Variants in SFTPA1 observed in about 807,000 individuals in gnomAD.
SFTPA1 encodes pulmonary surfactant-associated protein A1.
Under a neutral mutation model 19.1 loss-of-function variants are expected in SFTPA1, and 13 were observed. The observed-to-expected ratio is 0.68, with a 90% confidence interval of 0.44 to 1.08. The LOEUF (loss-of-function observed/expected upper bound fraction) is 1.08, where lower values mean the gene tolerates loss of function less well. Ranked by LOEUF, SFTPA1 falls within the 50% of genes least tolerant of loss-of-function variation. SFTPA1 has a pLI of 0.00. For missense variants in SFTPA1, 259 were observed against 316.4 expected, an observed-to-expected ratio of 0.82 and a Z score of 1.38; for synonymous variants, 101 against 117.0, an observed-to-expected ratio of 0.86 and a Z score of 0.88.
rs1014711429 is a variant in SFTPA1, at chr10:79,614,949, A to T, written c.*836A>T. 4 of 1,283,756 alleles carry T rather than the reference A, an allele frequency of 3.1e-6. No individual in the cohort carries two copies. The African/African-American group carries it at 6.1e-5, about 20-fold the overall frequency. The allele number at this position is 1,283,756 out of a possible 1,614,324, so 79.5% of individuals were successfully genotyped here. On this transcript the variant is annotated 3_prime_UTR_variant, in exon 6 of 6. Coordinates refer to ENST00000398636, the MANE Select transcript of SFTPA1 (RefSeq NM_005411.5). The stretch of plus-strand genomic sequence containing the variant: ...TCCTTTCATTAATCCATTCACCCAG[A>T]TATTTCATTAAAATTATCACGTGCC...
At position 79,613,503 on chromosome 10, in the gene SFTPA1, A is replaced by G. The variant is rs144911304; in HGVS notation, c.371-234A>G. 4.4e-3 allele frequency among the ~76,000 whole-genome samples: 663 copies of G among 152,320 alleles called. 7 individuals are homozygous for G. The highest frequency in any genetic ancestry group is 0.015 in the African/African-American group (624 of 41,562). On this transcript the variant is annotated intron_variant, in intron 5 of 5. Transcript: ENST00000398636. Reference sequence around the variant, plus strand: ...CTCCACCTGCCTTGCTTTCCACTGAATTCCAGGAAATTGCACCATTTCTGG... The same window carrying G: ...CTCCACCTGCCTTGCTTTCCACTGAGTTCCAGGAAATTGCACCATTTCTGG...
At position 79,615,036 on chromosome 10, in the gene SFTPA1, C is replaced by T; in HGVS notation, c.*923C>T. The T allele has an allele frequency of 1.5e-6, 2 of 1,304,600 alleles. No individual in the cohort carries two copies. Among genetic ancestry groups the T allele is most frequent in the Non-Finnish European group, 2.0e-6 (2 of 988,710 alleles). 80.8% of individuals were successfully genotyped at this position (1,304,600 alleles called of 1,614,324 possible). Reference sequence around the variant, plus strand: ...CAGTGACAGTTGAAGATTTTTTTTTCCCAGAGCTTATGTCTTCATCTGTGA... The same window carrying T: ...CAGTGACAGTTGAAGATTTTTTTTTTCCAGAGCTTATGTCTTCATCTGTGA... On this transcript the variant is annotated 3_prime_UTR_variant, in exon 6 of 6. Transcript: ENST00000398636.
At position 79,614,976 on chromosome 10, in the gene SFTPA1, G is replaced by T. The variant is rs1016735490; in HGVS notation, c.*863G>T. On this transcript the variant is annotated 3_prime_UTR_variant, in exon 6 of 6. Transcript: ENST00000398636. ...ATTTCATTAAAATTATCACGTGCCA[G>T]GTCTTAGGATATGTCGTGGGGTGGG... 4 of 1,302,734 alleles carry T rather than the reference G, an allele frequency of 3.1e-6. No homozygotes were observed. In the African/African-American group the frequency reaches 6.1e-5, roughly 20 times the overall value. 80.7% of individuals were successfully genotyped at this position (1,302,734 alleles called of 1,614,324 possible).
In SFTPA1 at chr10:79,612,257, C is replaced by G. The variant is rs943199249; in HGVS notation, c.173-55C>G. 37 of 1,613,534 alleles carry G rather than the reference C, an allele frequency of 2.3e-5. No homozygotes were observed. In the East Asian group the frequency reaches 5.3e-4, roughly 23 times the overall value. On this transcript the variant is annotated intron_variant, in intron 3 of 5. Transcript: ENST00000398636. ...GATAATGGGCATCGAGTCTCACTAG[C>G]TCCAACCAGTTGTGGGTGACAGATC...
intron 4 of SFTPA1, among the ~76,000 whole-genome samples, chr10:79,612,948 G>T (rs1859947971): frequency 6.6e-6 from 1 of 151,988 alleles, no homozygotes; most frequent in African/African-American, 2.4e-5. Flanking sequence ...GAGGGACAGA[G>T]CAGGAAAGAG....
In SFTPA1 at chr10:79,612,389, G is replaced by T. The variant is rs186353284; in HGVS notation, c.250G>T (p.Glu84Ter). 1.9e-5 allele frequency: 30 copies of T among 1,613,916 alleles called. No homozygotes were observed. In the African/African-American group the frequency reaches 3.9e-4, roughly 21 times the overall value. Residue 84 changes from glutamate to a stop codon, truncating the protein, a stop_gained, in exon 4 of 6, where the codon GAG becomes TAG. Coordinates refer to ENST00000398636, the MANE Select transcript of SFTPA1 (RefSeq NM_005411.5). LOFTEE classifies it high-confidence loss of function. ...GLPGAPGIPG[E>*]CGEKGEPGER... ...GCCTGGAGCCCCTGGTATCCCTGGAGAGTGTGGAGAGAAGGGGGAGCCTGG... is the reference window on the plus strand; with the variant it reads ...GCCTGGAGCCCCTGGTATCCCTGGATAGTGTGGAGAGAAGGGGGAGCCTGG...
rs776001289 is a variant in SFTPA1 at position 79,612,450 on chromosome 10, G to A, written c.292+19G>A. 2.5e-6 allele frequency: 4 copies of A among 1,611,316 alleles called. No individual in the cohort carries two copies. The highest frequency in any genetic ancestry group is 1.1e-5 in the South Asian group (1 of 90,852). ...CCTCCAGGTGAGCAGGGTGGGGCAG[G>A]TGGGCAGTGGAAACATGGGCACAGC... On this transcript the variant is annotated intron_variant, in intron 4 of 5. Coordinates refer to ENST00000398636, the MANE Select transcript of SFTPA1 (RefSeq NM_005411.5).
In SFTPA1 at chr10:79,612,440, G is replaced by A. The variant is rs771026787; in HGVS notation, c.292+9G>A. 2.5e-6 allele frequency: 4 copies of A among 1,612,608 alleles called. No individual in the cohort carries two copies. Among genetic ancestry groups the A allele is most frequent in the East Asian group, 2.2e-5 (1 of 44,746 alleles). ...CGAGAGGGGCCCTCCAGGTGAGCAG[G>A]GTGGGGCAGGTGGGCAGTGGAAACA... On this transcript the variant is annotated intron_variant, in intron 4 of 5. Transcript: ENST00000398636.
At chr10:79,612,029 G>A (rs896801277) in intron 3 of SFTPA1, 32 bp downstream of exon 3, 4 of 1,611,096 alleles carry the variant, frequency 2.5e-6, no homozygotes, top group Non-Finnish European at 3.4e-6. Flanking sequence ...CCTCAGCTGA[G>A]GGACACAGAC....
chr10:79,613,597 C>A, intron 5 of SFTPA1, 140 bp from the exon 6 acceptor site: 4 of 1,176,542 alleles, frequency 3.4e-6, no homozygotes, highest in Non-Finnish European at 4.8e-6. Flanking sequence ...TAGAAAACTG[C>A]AATTGGAAGA....
rs4253602 is a variant in SFTPA1 at position 79,614,732 on chromosome 10, G to C, written c.*619G>C. 871 of 332,918 alleles carry C rather than the reference G, an allele frequency of 2.6e-3. 9 individuals are homozygous for C. The Middle Eastern group carries it at 0.029, about 11-fold the overall frequency. 20.6% of individuals were successfully genotyped at this position (332,918 alleles called of 1,614,324 possible). A position where few individuals can be genotyped will look rare whatever the true frequency, so the allele number is the denominator to read the frequency against. On this transcript the variant is annotated 3_prime_UTR_variant, in exon 6 of 6. Coordinates refer to ENST00000398636, the MANE Select transcript of SFTPA1 (RefSeq NM_005411.5). ...AGCCAACCCCATGATTGATGTGTAC[G>C]ATTCACTCCTTTGAGTCTTTGAATG...
rs754933963 is a variant in SFTPA1 at position 79,613,232 on chromosome 10, C to A, written c.336C>A (p.His112Gln). The A allele has an allele frequency of 4.3e-6, 7 of 1,614,050 alleles. No homozygotes were observed. Among genetic ancestry groups the A allele is most frequent in the Non-Finnish European group, 5.9e-6 (7 of 1,179,998 alleles). The change falls in exon 5 of 6, where the codon CAC (histidine) becomes CAA (glutamine). Residue 112 changes from histidine to glutamine, a missense_variant. Transcript: ENST00000398636. Reference sequence around the variant, plus strand: ...ATGAGGAGCTCCAAGCCACACTCCACGACTTTAGACATCAAATCCTGCAGA... The same window carrying A: ...ATGAGGAGCTCCAAGCCACACTCCAAGACTTTAGACATCAAATCCTGCAGA... ...HLDEELQATL[H>Q]DFRHQILQTR...
chr10:79,611,469 G>A, intron 2 of SFTPA1, 80 bp downstream of exon 2: 1 of 1,080,914 alleles, frequency 9.3e-7, no homozygotes. Context: ...AAGTCAGAGA[G>A]GTGAAGCCAG....
At chr10:79,612,459 G>A in intron 4 of SFTPA1, 28 bp downstream of exon 4, 2 of 1,606,614 alleles carry the variant, frequency 1.2e-6, no homozygotes, top group Non-Finnish European at 1.7e-6. Flanking sequence ...GGTGGGCAGT[G>A]GAAACATGGG....
intron 5 of SFTPA1, 24 bp from the exon 6 acceptor site, chr10:79,613,713 T>C (rs984821780): frequency 6.2e-7 from 1 of 1,613,880 alleles, no homozygotes; most frequent in Non-Finnish European, 8.5e-7. Context: ...GTCAGTGGCC[T>C]GACCCGGACT....
intron 2 of SFTPA1, 54 bp from the exon 3 acceptor site, chr10:79,611,749 T>C: frequency 6.2e-7 from 1 of 1,612,960 alleles, no homozygotes; most frequent in Non-Finnish European, 8.5e-7. Context: ...CAGAGCACAG[T>C]GGGGGAGATG....
Position 79,612,391 on chromosome 10 carries a change from G to C in SFTPA1, c.252G>C (p.Glu84Asp). The change falls in exon 4 of 6, where the codon GAG (glutamate) becomes GAC (aspartate). Residue 84 changes from glutamate to aspartate, a missense_variant. Coordinates refer to ENST00000398636, the MANE Select transcript of SFTPA1 (RefSeq NM_005411.5). ...GLPGAPGIPG[E>D]CGEKGEPGER... is the part of the protein sequence containing the mutation. ...CTGGAGCCCCTGGTATCCCTGGAGA[G>C]TGTGGAGAGAAGGGGGAGCCTGGCG... 6.2e-7 allele frequency: 1 copy of C among 1,613,942 alleles called. No individual in the cohort carries two copies. The highest frequency in any genetic ancestry group is 2.2e-5 in the East Asian group (1 of 44,870).
rs933716259 is a variant in SFTPA1 at position 79,615,263 on chromosome 10, A to T, written c.*1150A>T. On this transcript the variant is annotated 3_prime_UTR_variant, in exon 6 of 6. Coordinates refer to ENST00000398636, the MANE Select transcript of SFTPA1 (RefSeq NM_005411.5). Reference sequence around the variant, plus strand: ...GTCACGGGACCAGTATTGTTTCCTCATTTTTTATAAGGACACTGAAGCTTG... The same window carrying T: ...GTCACGGGACCAGTATTGTTTCCTCTTTTTTTATAAGGACACTGAAGCTTG... 2 of 371,382 alleles carry T rather than the reference A, an allele frequency of 5.4e-6. No individual in the cohort carries two copies. The highest frequency in any genetic ancestry group is 4.3e-5 in the African/African-American group (2 of 46,662). 23.0% of individuals were successfully genotyped at this position (371,382 alleles called of 1,614,324 possible).
Position 79,611,923 on chromosome 10 carries a change from C to G in SFTPA1, c.98C>G (p.Pro33Arg), listed in dbSNP as rs1329900543. The G allele has an allele frequency of 2.5e-6, 4 of 1,613,794 alleles. No individual in the cohort carries two copies. The highest frequency in any genetic ancestry group is 1.3e-5 in the African/African-American group (1 of 74,910). ...KDVCVGSPGI[P>R]GTPGSHGLPG... ...GTTTGTGTTGGAAGCCCTGGTATCC[C>G]CGGCACTCCTGGATCCCACGGCCTG... The change falls in exon 3 of 6, where the codon CCC becomes CGC. Residue 33 changes from proline to arginine, a missense_variant. Coordinates refer to ENST00000398636, the MANE Select transcript of SFTPA1 (RefSeq NM_005411.5).
Sources: gnomAD v4.1 joint callset for allele counts (sites outside exome capture counted in the v4.1 genomes callset) on GRCh38, gnomAD v4.1.1 for gene constraint, MANE v1.5 for transcripts, NCBI Gene and HGNC (gene_info 2026-07-23, HGNC 2026-07-21) for gene names.